Variants in APPBP2 observed in about 807,000 individuals in gnomAD.
APPBP2 encodes the protein amyloid beta precursor protein binding protein 2.
A neutral mutation model predicts 76.0 loss-of-function variants in APPBP2; 15 were observed. The observed-to-expected ratio is 0.20, with a 90% CI of 0.13 to 0.30. The LOEUF (loss-of-function observed/expected upper bound fraction) is 0.30, where lower values mean the gene tolerates loss of function less well. APPBP2 is among the 10% of genes least tolerant of loss of function. The pLI, the probability that APPBP2 is intolerant of heterozygous loss-of-function variation, is 1.00. For missense variants in APPBP2, 401 were observed against 687.2 expected, an observed-to-expected ratio of 0.58 and a Z score of 4.66; for synonymous variants, 222 against 242.2, an observed-to-expected ratio of 0.92 and a Z score of 0.77.
At chr17:60,495,439 A>ATTTATTTATTAT (rs910525112) in intron 2 of APPBP2, among the ~76,000 whole-genome samples, 1 of 136,588 alleles carries the variant, frequency 7.3e-6, no homozygotes, top group African/African-American at 3.0e-5. Flanking sequence ...TTATTTATTT[A>ATTTATTTATTAT]TTATTTATTT....
Position 60,518,061 on chromosome 17 carries a change from C to T in APPBP2, c.138+7733G>A, listed in dbSNP as rs1456842503. ...ATAGTGTTTTTTTAAAGTGTTCTTACAATTTCCTTTTTTTTTTTTTTTTTG... is the reference window on the plus strand; with the variant it reads ...ATAGTGTTTTTTTAAAGTGTTCTTATAATTTCCTTTTTTTTTTTTTTTTTG... On this transcript the variant is annotated intron_variant, in intron 1 of 12. Coordinates refer to ENST00000083182, the MANE Select transcript of APPBP2 (RefSeq NM_006380.5). Among the ~76,000 whole-genome samples the T allele has an allele frequency of 1.2e-4, 14 of 121,732 alleles. No individual in the cohort carries two copies. The Admixed American group carries it at 1.2e-3, about 11-fold the overall frequency. 79.9% of individuals were successfully genotyped at this position (121,732 alleles called of 152,430 possible). A position where few individuals can be genotyped will look rare whatever the true frequency, so the allele number is the denominator to read the frequency against.
rs371370778 is a variant in APPBP2 at position 60,454,305 on chromosome 17, A to C, written c.1335T>G (p.Phe445Leu). The change falls in exon 11 of 13, where the codon TTT (phenylalanine) becomes TTG (leucine). Residue 445 changes from phenylalanine to leucine, a missense_variant. This residue lies in a region of APPBP2 where 130 missense variants were observed against 322.7 expected (regional missense o/e 0.40). Transcript: ENST00000083182. ...LGRLYQSMRK[F>L]KEAEEMHIKA... is the part of the protein sequence containing the mutation. ...TATAGTAAAAACATGTTTCTACCTT[A>C]AATTTTCTCATTGACTGATAAAGTC... 4.5e-6 allele frequency: 7 copies of C among 1,555,906 alleles called. No homozygotes were observed. The highest frequency in any genetic ancestry group is 6.1e-6 in the Non-Finnish European group (7 of 1,153,760).
intron 3 of APPBP2, among the ~76,000 whole-genome samples, chr17:60,479,920 C>G (rs943632952): frequency 6.6e-6 from 1 of 152,114 alleles, no homozygotes; most frequent in African/African-American, 2.4e-5. Context: ...ACTGCCCCAA[C>G]GTAACAGATG....
chr17:60,513,452 C>A, intron 1 of APPBP2: 1 of 623,436 alleles, frequency 1.6e-6, no homozygotes, highest in Non-Finnish European at 2.9e-6. Flanking sequence ...TGGTTTTGTA[C>A]TATAATGCCA....
chr17:60,475,283 A>G (rs2090581619), intron 4 of APPBP2, among the ~76,000 whole-genome samples: 2 of 152,264 alleles, frequency 1.3e-5, no homozygotes. Context: ...GACATGACAT[A>G]ACATAACATG....
At chr17:60,495,432 TTTATTTATTATTTATTTA>T (rs1567934558) in intron 2 of APPBP2, among the ~76,000 whole-genome samples, 2 of 128,912 alleles carry the variant, frequency 1.6e-5, no homozygotes, top group African/African-American at 6.7e-5. Flanking sequence ...AAATATTTTA[TTTATTTATTATTTATTTA>T]TTTATTTATT....
chr17:60,505,459 G>T (rs1180518823), intron 1 of APPBP2, among the ~76,000 whole-genome samples: 1 of 152,180 alleles, frequency 6.6e-6, no homozygotes, highest in Non-Finnish European at 1.5e-5. Context: ...GGGACTACAG[G>T]CGCCTGCCAC....
chr17:60,519,105 G>A (rs1219117231), intron 1 of APPBP2, among the ~76,000 whole-genome samples: 1 of 151,428 alleles, frequency 6.6e-6, no homozygotes, highest in African/African-American at 2.4e-5. Context: ...GGGACCACAG[G>A]CATGCACCAC....
chr17:60,463,729 G>A (rs2090491440), intron 6 of APPBP2, among the ~76,000 whole-genome samples: 1 of 152,092 alleles, frequency 6.6e-6, no homozygotes, highest in Non-Finnish European at 1.5e-5. Context: ...ACAAACTCAA[G>A]CCAGAATAGC....
chr17:60,486,478 GGTTTAAA>G (rs1272835394), intron 3 of APPBP2, among the ~76,000 whole-genome samples: 1 of 151,972 alleles, frequency 6.6e-6, no homozygotes, highest in African/African-American at 2.4e-5. Context: ...GATCTTTGTT[GGTTTAAA>G]GTCTGTTTTA....
At chr17:60,450,393 G>A (rs1165239894) in intron 12 of APPBP2, among the ~76,000 whole-genome samples, 2 of 150,424 alleles carry the variant, frequency 1.3e-5, no homozygotes, top group South Asian at 2.1e-4. Flanking sequence ...AGCCGAGATC[G>A]CGCCACTGCA....
chr17:60,524,090 T>TA lies in APPBP2; in HGVS notation c.138+1703dup, dbSNP rs545844362. On this transcript the variant is annotated intron_variant, in intron 1 of 12. Coordinates refer to ENST00000083182, the MANE Select transcript of APPBP2 (RefSeq NM_006380.5). ...AAAGTGTACCAAAAAGGAGCAATAT[T>TA]AAAACTGTGTGAACTATGTGAAACA... Among the ~76,000 whole-genome samples, 35 of 152,334 alleles carry TA rather than the reference T, an allele frequency of 2.3e-4. No individual in the cohort carries two copies. In the East Asian group the frequency reaches 6.5e-3, roughly 28 times the overall value.
intron 3 of APPBP2, among the ~76,000 whole-genome samples, chr17:60,480,947 TTCATTCCATTAAATAATAG>T (rs1170525602): frequency 6.6e-6 from 1 of 152,162 alleles, no homozygotes; most frequent in African/African-American, 2.4e-5. Context: ...TTGGTGGTAG[TTCATTCCATTAAATAATAG>T]TCAATACCAG....
At chr17:60,450,448 A>AG (rs1433914444) in intron 12 of APPBP2, among the ~76,000 whole-genome samples, 1 of 150,952 alleles carries the variant, frequency 6.6e-6, no homozygotes, top group Non-Finnish European at 1.5e-5. Context: ...AAAAAAAAAA[A>AG]AAAAGAAAAT....
At chr17:60,503,003 T>C (rs186816802) in intron 1 of APPBP2, among the ~76,000 whole-genome samples, 14 of 145,498 alleles carry the variant, frequency 9.6e-5, no homozygotes, top group Admixed American at 9.3e-4. Context: ...TATTTGGCTG[T>C]TTAAATTTTC....
Position 60,446,470 on chromosome 17 carries a change from A to G in APPBP2, c.*1111T>C, listed in dbSNP as rs2090348135. The G allele has an allele frequency of 6.6e-6, 1 of 152,224 alleles. No homozygotes were observed. Among genetic ancestry groups the G allele is most frequent in the Non-Finnish European group, 1.5e-5 (1 of 68,036 alleles). 9.4% of individuals were successfully genotyped at this position (152,224 alleles called of 1,614,324 possible). On this transcript the variant is annotated 3_prime_UTR_variant, in exon 13 of 13. Coordinates refer to ENST00000083182, the MANE Select transcript of APPBP2 (RefSeq NM_006380.5). ...TTACCATAAAAATGGAGGATTTTCT[A>G]AGACTTATTTTTGGGCATTCATTTT... is the stretch of plus-strand genomic sequence containing the variant.
intron 2 of APPBP2, among the ~76,000 whole-genome samples, chr17:60,496,228 G>A (rs1212334435): frequency 1.3e-5 from 2 of 152,200 alleles, no homozygotes; most frequent in Non-Finnish European, 2.9e-5. Context: ...AGACAGTGGT[G>A]ATGGTTACAA....
At chr17:60,491,488 T>C (rs893481997) in intron 3 of APPBP2, among the ~76,000 whole-genome samples, 2 of 152,086 alleles carry the variant, frequency 1.3e-5, no homozygotes, top group Non-Finnish European at 2.9e-5. Flanking sequence ...AGTGGGGTGA[T>C]CTCAGCAGTA....
At chr17:60,499,829 A>G (rs764455626) in intron 2 of APPBP2, among the ~76,000 whole-genome samples, 7 of 152,222 alleles carry the variant, frequency 4.6e-5, no homozygotes, top group African/African-American at 1.4e-4. Flanking sequence ...GATAAACATT[A>G]TAAGGATTCC....
Sources: gnomAD v4.1 joint callset for allele counts (sites outside exome capture counted in the v4.1 genomes callset) on GRCh38, gnomAD v4.1.1 for gene constraint, gnomAD v4.1.1 regional missense constraint, MANE v1.5 for transcripts, NCBI Gene and HGNC (gene_info 2026-07-23, HGNC 2026-07-21) for gene names.